The following BBX variants were observed in gnomAD, a reference collection of about 807,000 sequenced individuals.
BBX encodes the protein HMG box transcription factor BBX.
BBX carries 30 observed loss-of-function variants against 100.2 expected under a neutral mutation model. The observed-to-expected ratio is 0.30, with a 90% CI of 0.22 to 0.41. BBX has a LOEUF of 0.41. Among genes scored for constraint, BBX ranks in the 10% least tolerant of loss-of-function variants. BBX has a pLI of 1.00. For synonymous variants in BBX, 376 were observed against 388.1 expected (o/e 0.97, Z 0.37); for missense variants, 1,023 against 1,129.8 (o/e 0.91, Z 1.35).
At chr3:107,590,009 T>C (rs900020010) in intron 2 of BBX, among the ~76,000 whole-genome samples, 1 of 152,198 alleles carries the variant, frequency 6.6e-6, no homozygotes, top group Non-Finnish European at 1.5e-5. Context: ...TCATTTTTTT[T>C]TACCCCAAGA....
At chr3:107,748,133 G>A in intron 9 of BBX, 94 bp downstream of exon 9, 1 of 1,033,824 alleles carries the variant, frequency 9.7e-7, no homozygotes, top group Non-Finnish European at 1.5e-6. Flanking sequence ...TGAACTTTAG[G>A]CATGCCTGTT....
At chr3:107,733,171 G>A in intron 7 of BBX, 148 bp downstream of exon 7, 3 of 717,994 alleles carry the variant, frequency 4.2e-6, no homozygotes, top group East Asian at 5.7e-5. Flanking sequence ...CTTTCTGTGT[G>A]TCTTGTGTGT....
chr3:107,545,115 C>G (rs2049138828), intron 2 of BBX, among the ~76,000 whole-genome samples: 1 of 152,024 alleles, frequency 6.6e-6, no homozygotes. Flanking sequence ...TCTTTACATT[C>G]TGTTACATAT....
intron 7 of BBX, among the ~76,000 whole-genome samples, chr3:107,735,934 T>G (rs2063607012): frequency 6.6e-6 from 1 of 152,070 alleles, no homozygotes; most frequent in Admixed American, 6.6e-5. Context: ...GGTAACTGGG[T>G]CTGTGATGAA....
rs183962310 is a variant in BBX, at chr3:107,779,666, T to C, written c.2203+1147T>C. Among the ~76,000 whole-genome samples, 3 of 152,292 alleles carry C rather than the reference T, an allele frequency of 2.0e-5. No individual in the cohort carries two copies. The East Asian group carries it at 5.8e-4, about 29-fold the overall frequency. On this transcript the variant is annotated intron_variant, in intron 13 of 17. Coordinates refer to ENST00000325805, the MANE Select transcript of BBX (RefSeq NM_001142568.3). ...AATAGACCAATTAATCGATCAGATA[T>C]AAATATTAACAAAGAGATATAATTT...
intron 4 of BBX, among the ~76,000 whole-genome samples, chr3:107,713,225 T>C (rs551519820): frequency 1.3e-4 from 20 of 152,356 alleles, no homozygotes; most frequent in African/African-American, 4.8e-4. Context: ...GTCCCTGTTC[T>C]CACTTCTCTG....
intron 2 of BBX, among the ~76,000 whole-genome samples, chr3:107,532,831 CT>C (rs1447481835): frequency 1.3e-5 from 2 of 152,178 alleles, no homozygotes; most frequent in African/African-American, 4.8e-5. Flanking sequence ...CGTCTTCCCA[CT>C]TTGCTAAATT....
intron 2 of BBX, among the ~76,000 whole-genome samples, chr3:107,564,346 TA>T (rs2050720254): frequency 6.6e-6 from 1 of 152,250 alleles, no homozygotes; most frequent in Non-Finnish European, 1.5e-5. Context: ...TTTTACAGTT[TA>T]TTTTTTTAAC....
intron 6 of BBX, 23 bp downstream of exon 6, chr3:107,728,983 C>T: frequency 6.2e-7 from 1 of 1,606,982 alleles, no homozygotes; most frequent in Non-Finnish European, 8.5e-7. Flanking sequence ...ACTATTTCCA[C>T]CTATTCTTTA....
chr3:107,749,853 C>G (rs564153489), intron 9 of BBX, among the ~76,000 whole-genome samples: 1 of 152,192 alleles, frequency 6.6e-6, no homozygotes, highest in East Asian at 1.9e-4. Flanking sequence ...AGGCTGGTCA[C>G]GAACTCCTGA....
chr3:107,563,988 C>T (rs1256522413), intron 2 of BBX, among the ~76,000 whole-genome samples: 1 of 152,154 alleles, frequency 6.6e-6, no homozygotes, highest in Non-Finnish European at 1.5e-5. Context: ...CATTTGCGTA[C>T]TTACCTGTGG....
At chr3:107,639,349 CAG>C (rs2057055820) in intron 2 of BBX, among the ~76,000 whole-genome samples, 1 of 152,120 alleles carries the variant, frequency 6.6e-6, no homozygotes, top group African/African-American at 2.4e-5. Context: ...GATGCCTAAA[CAG>C]TGTAGGTCAG....
chr3:107,678,038 C>T (rs1211622877), intron 3 of BBX, among the ~76,000 whole-genome samples: 3 of 151,966 alleles, frequency 2.0e-5, no homozygotes, highest in African/African-American at 7.2e-5. Flanking sequence ...TTCTTTCAGG[C>T]TTTTTTGGTT....
intron 2 of BBX, among the ~76,000 whole-genome samples, chr3:107,639,684 G>T (rs2057075124): frequency 6.6e-6 from 1 of 152,208 alleles, no homozygotes; most frequent in Non-Finnish European, 1.5e-5. Flanking sequence ...TATGGAAACT[G>T]TAGACATTCA....
At chr3:107,775,158 G>A (rs1046834993) in intron 12 of BBX, among the ~76,000 whole-genome samples, 3 of 152,110 alleles carry the variant, frequency 2.0e-5, no homozygotes, top group African/African-American at 2.4e-5. Flanking sequence ...TTTTCCATCC[G>A]AAGCTTAGAA....
intron 3 of BBX, among the ~76,000 whole-genome samples, chr3:107,678,231 C>T (rs888135966): frequency 3.3e-5 from 5 of 151,460 alleles, no homozygotes; most frequent in Admixed American, 3.3e-4. Flanking sequence ...TTATATTTTG[C>T]CCCCCACCCC....
At chr3:107,685,866 G>A (rs2059818940) in intron 3 of BBX, among the ~76,000 whole-genome samples, 4 of 152,124 alleles carry the variant, frequency 2.6e-5, no homozygotes, top group Non-Finnish European at 4.4e-5. Flanking sequence ...TTTGAGAATA[G>A]CAAGGAACCC....
intron 2 of BBX, among the ~76,000 whole-genome samples, chr3:107,574,949 T>G (rs1049519019): frequency 3.3e-5 from 5 of 152,180 alleles, no homozygotes; most frequent in Non-Finnish European, 7.3e-5. Context: ...CACTGGCCAT[T>G]AGAATTGTTT....
At chr3:107,803,752 AGCTTCAGTCATGTCAG>A (rs1256085702) in intron 17 of BBX, among the ~76,000 whole-genome samples, 9 of 152,164 alleles carry the variant, frequency 5.9e-5, no homozygotes, top group Non-Finnish European at 1.2e-4. Flanking sequence ...GCCAAAGGAA[AGCTTCAGTCATGTCAG>A]AGAAAATCAT....
Sources: allele counts gnomAD v4.1 joint callset (sites outside exome capture counted in the v4.1 genomes callset), GRCh38; gene constraint gnomAD v4.1.1; transcripts MANE v1.5; gene names NCBI Gene and HGNC (gene_info 2026-07-23, HGNC 2026-07-21).